STAM: variants seen among roughly 807,000 people sequenced by gnomAD.
STAM encodes signal transducing adapter molecule 1.
STAM carries 16 observed loss-of-function variants against 63.4 expected under a neutral mutation model. The observed-to-expected ratio is 0.25, with a 90% confidence interval of 0.17 to 0.38. The LOEUF is 0.38. Among genes scored for constraint, STAM ranks in the 10% least tolerant of loss-of-function variants. The probability of loss-of-function intolerance (pLI) is 1.00; values close to 1 mark genes in which losing one functional copy is unlikely to be tolerated. For synonymous variants in STAM, 238 were observed against 223.9 expected, an observed-to-expected ratio of 1.06 and a Z score of -0.56; for missense variants, 636 against 657.1, an observed-to-expected ratio of 0.97 and a Z score of 0.35.
intron 1 of STAM, among the ~76,000 whole-genome samples, chr10:17,651,523 C>G (rs573834472): frequency 6.6e-6 from 1 of 152,248 alleles, no homozygotes; most frequent in African/African-American, 2.4e-5. Flanking sequence ...GGATTAAGAA[C>G]TTGTATTCTT....
At chr10:17,655,412 G>A (rs1833898445) in intron 1 of STAM, among the ~76,000 whole-genome samples, 1 of 151,916 alleles carries the variant, frequency 6.6e-6, no homozygotes, top group African/African-American at 2.4e-5. Flanking sequence ...AGGGTAGCTA[G>A]GTAGGTACCC....
At chr10:17,704,852 T>C in intron 10 of STAM, 118 bp from the exon 11 acceptor site, 2 of 867,538 alleles carry the variant, frequency 2.3e-6, no homozygotes, top group Admixed American at 4.9e-5. Context: ...TTAAAGAATG[T>C]ATATTTTTAT....
intron 2 of STAM, among the ~76,000 whole-genome samples, chr10:17,678,494 T>A (rs1589061647): frequency 6.6e-6 from 1 of 152,196 alleles, no homozygotes; most frequent in East Asian, 1.9e-4. Context: ...TCTCAGGTGA[T>A]CCGCCTGCCT....
intron 4 of STAM, among the ~76,000 whole-genome samples, chr10:17,687,222 C>A (rs554698127): frequency 6.6e-6 from 1 of 152,246 alleles, no homozygotes; most frequent in African/African-American, 2.4e-5. Context: ...TGCCTGTAAT[C>A]GCAGCACTTT....
chr10:17,685,031 C>A, intron 4 of STAM, 104 bp downstream of exon 4: 1 of 855,782 alleles, frequency 1.2e-6, no homozygotes. Context: ...TTTAAGAAAT[C>A]CTTTCTAGGC....
intron 13 of STAM, 94 bp from the exon 14 acceptor site, chr10:17,714,449 T>TATGA: frequency 8.6e-7 from 1 of 1,166,974 alleles, no homozygotes; most frequent in Non-Finnish European, 1.3e-6. Context: ...GAATTGACTA[T>TATGA]ATGAATGAAT....
chr10:17,713,065 T>C (rs1836630161), intron 13 of STAM, among the ~76,000 whole-genome samples: 1 of 152,202 alleles, frequency 6.6e-6, no homozygotes, highest in African/African-American at 2.4e-5. Context: ...CCCGGTCAGT[T>C]CACCATTCTC....
chr10:17,656,299 A>G (rs1702685867), intron 1 of STAM, among the ~76,000 whole-genome samples: 1 of 151,810 alleles, frequency 6.6e-6, no homozygotes, highest in Admixed American at 6.6e-5. Flanking sequence ...GTCTTAAAAA[A>G]AAAAAAAAAA....
At chr10:17,704,339 AT>A in intron 9 of STAM, 91 bp from the exon 10 acceptor site, 1 of 1,126,598 alleles carries the variant, frequency 8.9e-7, no homozygotes, top group East Asian at 2.4e-5. Context: ...ATAACTATGA[AT>A]TTCAAAAGTT....
At chr10:17,658,141 A>G (rs1294290620) in intron 1 of STAM, among the ~76,000 whole-genome samples, 2 of 152,040 alleles carry the variant, frequency 1.3e-5, no homozygotes, top group Non-Finnish European at 2.9e-5. Flanking sequence ...TGCATCCCAC[A>G]AATTTTGCGA....
intron 9 of STAM, among the ~76,000 whole-genome samples, chr10:17,703,106 A>T (rs1836088990): frequency 2.6e-5 from 4 of 152,008 alleles, no homozygotes; most frequent in Admixed American, 2.6e-4. Context: ...CTTTGACACT[A>T]AATAATTTTA....
At chr10:17,706,390 T>A (rs1836275183) in intron 12 of STAM, among the ~76,000 whole-genome samples, 1 of 139,746 alleles carries the variant, frequency 7.2e-6, no homozygotes. Context: ...TTTTTTTTTT[T>A]TTTTTTGAGG....
chr10:17,696,707 C>A, intron 7 of STAM, 68 bp from the exon 8 acceptor site: 1 of 1,197,090 alleles, frequency 8.4e-7, no homozygotes, highest in Non-Finnish European at 1.2e-6. Flanking sequence ...TTGAATACTA[C>A]AAAAGATAAA....
At chr10:17,669,048 C>G (rs1216385493) in intron 2 of STAM, among the ~76,000 whole-genome samples, 1 of 152,174 alleles carries the variant, frequency 6.6e-6, no homozygotes, top group East Asian at 1.9e-4. Context: ...TCCCCACAGT[C>G]TCAGTATGGT....
At chr10:17,677,372 T>C (rs1345468674) in intron 2 of STAM, among the ~76,000 whole-genome samples, 1 of 152,178 alleles carries the variant, frequency 6.6e-6, no homozygotes, top group Non-Finnish European at 1.5e-5. Flanking sequence ...TACAGGATTA[T>C]TTTCTAAAAT....
intron 4 of STAM, among the ~76,000 whole-genome samples, chr10:17,686,486 C>T (rs923868312): frequency 6.6e-6 from 1 of 151,404 alleles, no homozygotes; most frequent in African/African-American, 2.4e-5. Flanking sequence ...AAGTGATTCT[C>T]CTGCCTCAGC....
rs1246960003 is a variant in STAM, at chr10:17,706,232, G to T, written c.1209+491G>T. ...ATACTAATTATGCTAATAGTTTTTT[G>T]TTGTTGTTGTTGTTTAAAGGAAATA... On this transcript the variant is annotated intron_variant, in intron 12 of 13. Coordinates refer to ENST00000377524, the MANE Select transcript of STAM (RefSeq NM_003473.4). 6.7e-5 allele frequency among the ~76,000 whole-genome samples: 8 copies of T among 120,052 alleles called. No individual in the cohort carries two copies. The South Asian group carries it at 1.0e-3, about 15-fold the overall frequency. The allele number at this position is 120,052 out of a possible 152,430, so 78.8% of individuals were successfully genotyped here.
intron 6 of STAM, 26 bp downstream of exon 6, chr10:17,693,338 G>A (rs1554827046): frequency 1.9e-6 from 3 of 1,548,336 alleles, no homozygotes; most frequent in Non-Finnish European, 1.8e-6. Context: ...CCTGATGGTG[G>A]GAATAACATA....
chr10:17,663,459 T>C (rs1834256587), intron 2 of STAM, among the ~76,000 whole-genome samples: 1 of 152,162 alleles, frequency 6.6e-6, no homozygotes, highest in Non-Finnish European at 1.5e-5. Flanking sequence ...ATGAGTTTAC[T>C]TAGGAAATAT....
Sources: allele counts gnomAD v4.1 joint callset (sites outside exome capture counted in the v4.1 genomes callset), GRCh38; gene constraint gnomAD v4.1.1; transcripts MANE v1.5; gene names NCBI Gene and HGNC (gene_info 2026-07-23, HGNC 2026-07-21).